The following NFATC3 variants were observed in gnomAD, a reference collection of about 807,000 sequenced individuals.
NFATC3 encodes nuclear factor of activated T cells 3.
Under a neutral mutation model 98.6 loss-of-function variants are expected in NFATC3, and 46 were observed. The observed-to-expected ratio is 0.47, with a 90% CI of 0.37 to 0.60. The LOEUF is 0.60. Ranked by LOEUF, NFATC3 falls within the 20% of genes least tolerant of loss-of-function variation. The pLI, the probability that NFATC3 is intolerant of heterozygous loss-of-function variation, is 0.00. For synonymous variants in NFATC3, 512 were observed against 472.2 expected, an observed-to-expected ratio of 1.08 and a Z score of -1.09; for missense variants, 1,256 against 1,295.5, an observed-to-expected ratio of 0.97 and a Z score of 0.47.
chr16:68,157,626 T>A (rs1242542578), intron 3 of NFATC3, among the ~76,000 whole-genome samples: 1 of 152,180 alleles, frequency 6.6e-6, no homozygotes, highest in Non-Finnish European at 1.5e-5. Context: ...ATCTAGATAT[T>A]TATCTTAAAA....
intron 3 of NFATC3, among the ~76,000 whole-genome samples, chr16:68,138,140 A>T (rs1229201585): frequency 1.3e-5 from 2 of 151,630 alleles, no homozygotes; most frequent in Non-Finnish European, 2.9e-5. Flanking sequence ...GGATCTAGTG[A>T]TTCTCCTGCC....
At chr16:68,212,893 C>G (rs1224331882) in intron 9 of NFATC3, among the ~76,000 whole-genome samples, 1 of 148,968 alleles carries the variant, frequency 6.7e-6, no homozygotes, top group African/African-American at 2.5e-5. Context: ...AGGTTCACGC[C>G]ATTCTTCTGC....
chr16:68,138,095 C>T (rs766785434), intron 3 of NFATC3, among the ~76,000 whole-genome samples: 15 of 151,832 alleles, frequency 9.9e-5, no homozygotes, highest in Non-Finnish European at 1.2e-4. Context: ...AGTGCAGTGG[C>T]CCACATCTCA....
intron 1 of NFATC3, among the ~76,000 whole-genome samples, chr16:68,099,600 CAAAAT>C (rs1427844405): frequency 1.3e-5 from 2 of 149,082 alleles, no homozygotes; most frequent in African/African-American, 5.0e-5. Flanking sequence ...GACTCTGTCT[CAAAAT>C]AAAATAATAA....
chr16:68,209,362 C>T lies in NFATC3; in HGVS notation c.3107-16988C>T, dbSNP rs11861723. 1,043 of 155,794 alleles carry T rather than the reference C, an allele frequency of 6.7e-3. 13 individuals are homozygous for T. Among genetic ancestry groups the T allele is most frequent in the African/African-American group, 0.022 (922 of 41,474 alleles). 9.7% of individuals were successfully genotyped at this position (155,794 alleles called of 1,614,324 possible). On this transcript the variant is annotated intron_variant, in intron 9 of 9. Coordinates refer to ENST00000346183, the MANE Select transcript of NFATC3 (RefSeq NM_173165.3). ...TCCAGCCTGGGCAACAGAGTGAGAC[C>T]GTCTCAAAGAAAAAGAGTTCTTTCC... is the stretch of plus-strand genomic sequence containing the variant.
rs770408229 is a variant in NFATC3, at chr16:68,190,871, G to A, written c.2202G>A (p.Gly734=). The A allele has an allele frequency of 3.7e-6, 6 of 1,614,058 alleles. No homozygotes were observed. Among genetic ancestry groups the A allele is most frequent in the Non-Finnish European group, 4.2e-6 (5 of 1,180,058 alleles). The part of the protein sequence containing the change: ...AQTQRPSSDS[G]CSHDSVLSGQ... ...CCCAGAGGCCTTCCTCTGATTCAGGGTGTTCACATGACAGTGTACTGTCAG... is the reference window on the plus strand; with the variant it reads ...CCCAGAGGCCTTCCTCTGATTCAGGATGTTCACATGACAGTGTACTGTCAG... The change falls in exon 9 of 10, where the codon GGG becomes GGA. Residue 734 remains glycine (G), a synonymous_variant. Transcript: ENST00000346183.
At chr16:68,178,175 C>A (rs867401232) in intron 6 of NFATC3, among the ~76,000 whole-genome samples, 1 of 152,216 alleles carries the variant, frequency 6.6e-6, no homozygotes, top group Middle Eastern at 3.4e-3. Context: ...TAAACTTTAA[C>A]CTGAAATTTA....
At chr16:68,218,187 CA>C in intron 9 of NFATC3, 2 of 258,620 alleles carry the variant, frequency 7.7e-6, no homozygotes, top group Non-Finnish European at 1.2e-5. Context: ...CTCAACCTCC[CA>C]AAGTGCTGGG....
intron 9 of NFATC3, among the ~76,000 whole-genome samples, chr16:68,223,925 G>T (rs2041953787): frequency 6.8e-6 from 1 of 146,468 alleles, no homozygotes; most frequent in African/African-American, 2.5e-5. Context: ...ATCTGACAAA[G>T]TACTTTATTA....
intron 9 of NFATC3, chr16:68,217,933 AACCTCGATT>A: frequency 8.2e-7 from 1 of 1,224,282 alleles, no homozygotes; most frequent in Non-Finnish European, 1.0e-6. Flanking sequence ...TGACTAACTA[AACCTCGATT>A]ACTGTGGAAG....
At chr16:68,104,082 C>T (rs2035513294) in intron 1 of NFATC3, among the ~76,000 whole-genome samples, 1 of 152,112 alleles carries the variant, frequency 6.6e-6, no homozygotes, top group Non-Finnish European at 1.5e-5. Context: ...TCTAGAAAAG[C>T]CCGTGAAATT....
chr16:68,120,229 A>C (rs1437642401), intron 1 of NFATC3, among the ~76,000 whole-genome samples: 1 of 149,938 alleles, frequency 6.7e-6, no homozygotes, highest in Non-Finnish European at 1.5e-5. Flanking sequence ...GCAGTGAGCT[A>C]TGAGTGCACC....
intron 9 of NFATC3, chr16:68,221,598 C>T (rs2041866748): frequency 9.3e-7 from 1 of 1,073,866 alleles, no homozygotes; most frequent in East Asian, 6.4e-5. Flanking sequence ...AAAGTCTGCC[C>T]CGTTGGAACT....
intron 1 of NFATC3, chr16:68,086,600 C>T: frequency 1.0e-6 from 1 of 977,306 alleles, no homozygotes; most frequent in Non-Finnish European, 1.2e-6. Flanking sequence ...GTTTGGAATA[C>T]TGTGGTTCAT....
chr16:68,190,438 A>G (rs1323129354), intron 8 of NFATC3, among the ~76,000 whole-genome samples: 1 of 152,212 alleles, frequency 6.6e-6, no homozygotes, highest in African/African-American at 2.4e-5. Flanking sequence ...AAACATTCAA[A>G]AGACATAAAA....
At chr16:68,120,731 T>TCAAA (rs57145448) in intron 1 of NFATC3, among the ~76,000 whole-genome samples, 10,117 of 151,016 alleles carry the variant, frequency 0.067, 1,057 homozygotes, top group African/African-American at 0.22. Flanking sequence ...AGACTCCATC[T>TCAAA]CAAACAAACA....
At chr16:68,181,325 G>T in intron 6 of NFATC3, 150 bp from the exon 7 acceptor site, 1 of 618,960 alleles carries the variant, frequency 1.6e-6, no homozygotes, top group South Asian at 1.8e-5. Flanking sequence ...TTCCCCATTT[G>T]TACATATTTA....
intron 8 of NFATC3, among the ~76,000 whole-genome samples, chr16:68,186,142 A>G (rs774702900): frequency 6.6e-6 from 1 of 151,950 alleles, no homozygotes; most frequent in African/African-American, 2.4e-5. Flanking sequence ...TCTCTGTAGC[A>G]TTTAGCTTTT....
chr16:68,129,922 C>G (rs964105308), intron 3 of NFATC3, among the ~76,000 whole-genome samples: 1 of 152,036 alleles, frequency 6.6e-6, no homozygotes, highest in African/African-American at 2.4e-5. Context: ...AAGTGATCCT[C>G]CTGCCTTGGC....
Sources: gnomAD v4.1 joint callset for allele counts (sites outside exome capture counted in the v4.1 genomes callset) on GRCh38, gnomAD v4.1.1 for gene constraint, MANE v1.5 for transcripts, NCBI Gene and HGNC (gene_info 2026-07-23, HGNC 2026-07-21) for gene names.